Variants in OR1J2 observed in about 807,000 individuals in gnomAD.
The protein encoded by OR1J2 is olfactory receptor family 1 subfamily J member 2.
For synonymous variants in OR1J2, 142 were observed against 99.7 expected, an observed-to-expected ratio of 1.42 and a Z score of -2.52; for missense variants, 304 against 246.1, an observed-to-expected ratio of 1.24 and a Z score of -1.57.
the OR1J2 span, among the ~76,000 whole-genome samples, chr9:122,458,111 G>T: frequency 2.0e-5 from 3 of 152,078 alleles, no homozygotes; most frequent in Non-Finnish European, 4.4e-5. Flanking sequence ...TAGGATAGGT[G>T]TGTTGAATAA....
At chr9:122,548,860 G>C in the OR1J2 span, among the ~76,000 whole-genome samples, 1 of 150,552 alleles carries the variant, frequency 6.6e-6, no homozygotes, top group African/African-American at 2.4e-5. Context: ...TGTAGATTCT[G>C]AACATTAGTC....
At chr9:122,451,321 G>A in the OR1J2 span, among the ~76,000 whole-genome samples, 190 of 152,148 alleles carry the variant, frequency 1.2e-3, no homozygotes, top group Admixed American at 7.1e-3. Context: ...GAGTAGCTGG[G>A]ATTACAGGCA....
chr9:122,576,948 C>T, the OR1J2 span: 1 of 152,100 alleles, frequency 6.6e-6, no homozygotes, highest in Non-Finnish European at 1.5e-5. Flanking sequence ...TTTACTCTTT[C>T]AGAAGGAGTA....
chr9:122,527,028 G>C, the OR1J2 span: 5 of 1,614,072 alleles, frequency 3.1e-6, no homozygotes, highest in Non-Finnish European at 4.2e-6. Flanking sequence ...ATAGGAGATG[G>C]TGTGATGCCG....
chr9:122,488,522 A>T, the OR1J2 span, among the ~76,000 whole-genome samples: 1 of 152,228 alleles, frequency 6.6e-6, no homozygotes, highest in African/African-American at 2.4e-5. Context: ...AACACTTTTC[A>T]AGGACTAGAG....
the OR1J2 span, among the ~76,000 whole-genome samples, chr9:122,563,779 A>T: frequency 0.58 from 88,415 of 152,066 alleles, 26,220 homozygotes; most frequent in East Asian, 0.97. Context: ...TCTTTTGAGC[A>T]GAGTTTTGTA....
chr9:122,488,429 G>A, the OR1J2 span, among the ~76,000 whole-genome samples: 3 of 152,194 alleles, frequency 2.0e-5, no homozygotes, highest in African/African-American at 4.8e-5. Context: ...GTGAGCCACC[G>A]CTCCTGGCCT....
chr9:122,570,386 A>G, the OR1J2 span, among the ~76,000 whole-genome samples: 85 of 152,334 alleles, frequency 5.6e-4, no homozygotes, highest in African/African-American at 2.0e-3. Flanking sequence ...CACATTGTGA[A>G]TGGGCCTTAA....
the OR1J2 span, among the ~76,000 whole-genome samples, chr9:122,450,337 A>G: frequency 1.3e-5 from 2 of 152,218 alleles, no homozygotes; most frequent in Admixed American, 6.5e-5. Flanking sequence ...CGGCTGAGGC[A>G]CGCAAATCAC....
chr9:122,567,633 G>T, the OR1J2 span: 1 of 1,613,910 alleles, frequency 6.2e-7, no homozygotes, highest in African/African-American at 1.3e-5. Flanking sequence ...GAGCATGGAT[G>T]ACAAAACTGT....
the OR1J2 span, among the ~76,000 whole-genome samples, chr9:122,491,620 A>G: frequency 6.6e-6 from 1 of 152,186 alleles, no homozygotes; most frequent in African/African-American, 2.4e-5. Flanking sequence ...AAGTGCTGAA[A>G]CCATTCATTG....
At chr9:122,486,196 G>C in the OR1J2 span, among the ~76,000 whole-genome samples, 1 of 152,144 alleles carries the variant, frequency 6.6e-6, no homozygotes, top group African/African-American at 2.4e-5. Flanking sequence ...CTGACATCAA[G>C]TGATCCACCC....
chr9:122,452,245 A>G, the OR1J2 span, among the ~76,000 whole-genome samples: 2 of 152,158 alleles, frequency 1.3e-5, no homozygotes, highest in African/African-American at 4.8e-5. Context: ...TCTGTCCACA[A>G]TTGGTAGAGT....
At chr9:122,519,260 G>A in the OR1J2 span, 1 of 1,613,944 alleles carries the variant, frequency 6.2e-7, no homozygotes, top group Admixed American at 1.7e-5. Flanking sequence ...TCACGGTGCT[G>A]GGGAACCTGC....
chr9:122,464,638 G>A, the OR1J2 span, among the ~76,000 whole-genome samples: 1 of 152,218 alleles, frequency 6.6e-6, no homozygotes, highest in African/African-American at 2.4e-5. Context: ...TGAAGTGAGA[G>A]TACCTTTGGA....
chr9:122,448,098 C>T, the OR1J2 span, among the ~76,000 whole-genome samples: 1 of 152,120 alleles, frequency 6.6e-6, no homozygotes, highest in Non-Finnish European at 1.5e-5. Context: ...TGAGTTCCCT[C>T]AGTATTTATT....
chr9:122,527,164 T>C, the OR1J2 span: 1 of 1,614,108 alleles, frequency 6.2e-7, no homozygotes. Context: ...ATGGCCAGGA[T>C]GATGAGCAGG....
the OR1J2 span, among the ~76,000 whole-genome samples, chr9:122,528,142 G>A: frequency 1.8e-4 from 27 of 152,120 alleles, no homozygotes; most frequent in Non-Finnish European, 2.8e-4. Flanking sequence ...TTAGTTTAAC[G>A]TATTTAGTCT....
At chr9:122,537,916 G>C in the OR1J2 span, among the ~76,000 whole-genome samples, 50 of 152,294 alleles carry the variant, frequency 3.3e-4, no homozygotes, top group South Asian at 1.2e-3. Context: ...AAAGTGATGA[G>C]GGCTGGGCAT....
Sources: gnomAD v4.1 joint callset for allele counts (sites outside exome capture counted in the v4.1 genomes callset) on GRCh38, gnomAD v4.1.1 for gene constraint, MANE v1.5 for transcripts, NCBI Gene and HGNC (gene_info 2026-07-23, HGNC 2026-07-21) for gene names.